Variants in ERAP2 observed in about 807,000 individuals in gnomAD.
ERAP2 encodes leukocyte-derived arginine aminopeptidase.
A neutral mutation model predicts 111.1 loss-of-function variants in ERAP2; 118 were observed. The observed-to-expected ratio is 1.06, with a 90% CI of 0.92 to 1.24. The LOEUF (loss-of-function observed/expected upper bound fraction) is 1.24, where lower values mean the gene tolerates loss of function less well. ERAP2 is among the 50% of genes most tolerant of loss of function. The pLI, the probability that ERAP2 is intolerant of heterozygous loss-of-function variation, is 0.00. For missense variants in ERAP2, 1,131 were observed against 1,125.8 expected (o/e 1.00, Z -0.07); for synonymous variants, 410 against 401.2 (o/e 1.02, Z -0.26).
intron 3 of ERAP2, among the ~76,000 whole-genome samples, chr5:96,884,555 T>TTTTGTTTG (rs60074846): frequency 0.54 from 81,853 of 151,190 alleles, 22,145 homozygotes; most frequent in Admixed American, 0.6. Context: ...TATACAAGTT[T>TTTTGTTTG]TTTGTTTGTT....
At chr5:96,902,071 G>A (rs1581869775) in intron 11 of ERAP2, among the ~76,000 whole-genome samples, 1 of 152,332 alleles carries the variant, frequency 6.6e-6, no homozygotes, top group East Asian at 1.9e-4. Flanking sequence ...AGATATGGCT[G>A]CTCCTTTATA....
At chr5:96,900,753 T>C (rs1348528729) in intron 10 of ERAP2, among the ~76,000 whole-genome samples, 1 of 152,220 alleles carries the variant, frequency 6.6e-6, no homozygotes, top group Non-Finnish European at 1.5e-5. Flanking sequence ...CTCAGCTCAC[T>C]GCAACCTCCA....
intron 2 of ERAP2, chr5:96,881,107 T>G: frequency 3.9e-6 from 1 of 258,626 alleles, no homozygotes; most frequent in South Asian, 3.9e-5. Context: ...GAGAAAGGGA[T>G]CAGATCATGT....
chr5:96,882,427 T>A (rs1321884441), intron 2 of ERAP2, among the ~76,000 whole-genome samples: 1 of 152,186 alleles, frequency 6.6e-6, no homozygotes, highest in Non-Finnish European at 1.5e-5. Context: ...CCCTTCATAC[T>A]CAGTCACCTA....
intron 3 of ERAP2, among the ~76,000 whole-genome samples, chr5:96,885,212 A>T (rs1783604272): frequency 6.6e-6 from 1 of 151,930 alleles, no homozygotes; most frequent in African/African-American, 2.4e-5. Context: ...TCTGCCAGTA[A>T]CCCCTCCACA....
chr5:96,880,302 TTCC>T (rs754623786), intron 2 of ERAP2, 42 bp downstream of exon 2: 3 of 1,532,648 alleles, frequency 2.0e-6, no homozygotes, highest in Non-Finnish European at 2.7e-6. Flanking sequence ...TTGTGATAAT[TTCC>T]TTACGAGTTA....
At chr5:96,895,874 A>C (rs17407513) in intron 7 of ERAP2, among the ~76,000 whole-genome samples, 6,172 of 152,296 alleles carry the variant, frequency 0.041, 211 homozygotes, top group Middle Eastern at 0.12. Flanking sequence ...GTAATGGTTA[A>C]TTAGGTCTTT....
In ERAP2 at chr5:96,879,604, G is replaced by A; in HGVS notation, c.-82G>A. On this transcript the variant is annotated 5_prime_UTR_variant, in exon 2 of 19. An upstream open reading frame in the 5' UTR loses its in-frame stop. Transcript: ENST00000437043. The stretch of plus-strand genomic sequence containing the variant: ...TGAAAATATTGTTCAGACCCCATGT[G>A]ACATAACTGGAGCCAGTGCAGTGCC... 9.2e-7 allele frequency: 1 copy of A among 1,089,818 alleles called. No individual in the cohort carries two copies. Among genetic ancestry groups the A allele is most frequent in the Non-Finnish European group, 1.4e-6 (1 of 729,232 alleles). 67.5% of individuals were successfully genotyped at this position (1,089,818 alleles called of 1,614,324 possible).
rs748462231 is a variant in ERAP2 at position 96,895,265 on chromosome 5, C to A, written c.1145C>A (p.Thr382Lys). 5 of 1,611,366 alleles carry A rather than the reference C, an allele frequency of 3.1e-6. No homozygotes were observed. The highest frequency in any genetic ancestry group is 4.2e-6 in the Non-Finnish European group (5 of 1,178,462). ...TCCTAGTGGTTTGGCAACCTGGTCA[C>A]AATGGAATGGTGGAATGATATTTGG... ...LAHQWFGNLV[T>K]MEWWNDIWLK... Residue 382 changes from threonine to lysine, a missense_variant, in exon 7 of 19, where the codon ACA (threonine) becomes AAA (lysine). By Grantham distance (78) the Thr-to-Lys change is moderately conservative. Transcript: ENST00000437043.
At chr5:96,893,488 C>A (rs1009596652) in intron 6 of ERAP2, among the ~76,000 whole-genome samples, 22 of 152,306 alleles carry the variant, frequency 1.4e-4, no homozygotes, top group Admixed American at 3.3e-4. Context: ...CCCACTGGCG[C>A]ATTTTAGGTG....
intron 1 of ERAP2, among the ~76,000 whole-genome samples, chr5:96,879,303 C>T (rs1782896517): frequency 6.6e-6 from 1 of 152,168 alleles, no homozygotes; most frequent in African/African-American, 2.4e-5. Flanking sequence ...TACACACCTG[C>T]CTTCTGCTCG....
At chr5:96,879,456 CAG>C in intron 1 of ERAP2, 106 bp from the exon 2 acceptor site, 2 of 451,232 alleles carry the variant, frequency 4.4e-6, no homozygotes, top group South Asian at 7.4e-5. Flanking sequence ...CTAATTCTGA[CAG>C]AGAGCAGATT....
chr5:96,898,633 G>A lies in ERAP2; in HGVS notation c.1504-1488G>A, dbSNP rs1049481810. Among the ~76,000 whole-genome samples, 8 of 150,588 alleles carry A rather than the reference G, an allele frequency of 5.3e-5. No individual in the cohort carries two copies. In the East Asian group the frequency reaches 5.8e-4, roughly 11 times the overall value. On this transcript the variant is annotated intron_variant, in intron 9 of 18. Coordinates refer to ENST00000437043, the MANE Select transcript of ERAP2 (RefSeq NM_022350.5). ...GGATCACCTGTAATCCCAGCTACTC[G>A]GGAGGTTGAGGCAGGAGAATCACTT...
chr5:96,914,665 C>T (rs1368553388), intron 17 of ERAP2, among the ~76,000 whole-genome samples: 2 of 152,170 alleles, frequency 1.3e-5, no homozygotes, highest in Non-Finnish European at 2.9e-5. Context: ...CTGTGCTCTG[C>T]TTTATCAACA....
chr5:96,894,514 AG>A (rs1477420410), intron 6 of ERAP2, among the ~76,000 whole-genome samples: 7 of 32,372 alleles, frequency 2.2e-4, no homozygotes, highest in Non-Finnish European at 4.2e-4. Context: ...CTAGATGTGC[AG>A]TATTAGGCAT....
At chr5:96,909,987 T>G in intron 15 of ERAP2, 1 of 430,372 alleles carries the variant, frequency 2.3e-6, no homozygotes, top group South Asian at 3.0e-5. Flanking sequence ...CGGTGCTGGC[T>G]GGATGCAGTG....
intron 13 of ERAP2, among the ~76,000 whole-genome samples, chr5:96,906,574 G>A (rs546555356): frequency 1.1e-4 from 16 of 152,192 alleles, no homozygotes; most frequent in Non-Finnish European, 2.1e-4. Context: ...AGAATGGAGA[G>A]AGAATTTGAT....
chr5:96,880,381 CAGA>C (rs1561356629), intron 2 of ERAP2, 121 bp downstream of exon 2: 8 of 889,754 alleles, frequency 9.0e-6, no homozygotes, highest in Middle Eastern at 7.0e-4. Flanking sequence ...ATGGGGAACC[CAGA>C]AGAAGGAAAA....
intron 6 of ERAP2, 138 bp from the exon 7 acceptor site, chr5:96,895,108 T>C (rs1784733122): frequency 1.7e-6 from 1 of 573,110 alleles, no homozygotes; most frequent in Non-Finnish European, 3.0e-6. Flanking sequence ...AAGAAAATTG[T>C]ACAGAGAGAA....
Sources: gnomAD v4.1 joint callset for allele counts (sites outside exome capture counted in the v4.1 genomes callset) on GRCh38, gnomAD v4.1.1 for gene constraint, MANE v1.5 for transcripts, NCBI Gene and HGNC (gene_info 2026-07-23, HGNC 2026-07-21) for gene names.